The following PTBP2 variants were observed in gnomAD, a reference collection of about 807,000 sequenced individuals.
The protein encoded by PTBP2 is polypyrimidine tract-binding protein 2.
Under a neutral mutation model 61.4 loss-of-function variants are expected in PTBP2, and 13 were observed. The ratio of observed to expected loss-of-function variants is 0.21; its 90% confidence interval spans 0.14 to 0.34. The LOEUF (loss-of-function observed/expected upper bound fraction) is 0.34. Ranked by LOEUF, PTBP2 falls within the 10% of genes least tolerant of loss-of-function variation. The pLI is 1.00. For missense variants in PTBP2, 405 were observed against 642.6 expected (o/e 0.63, Z 4.00); for synonymous variants, 215 against 218.5 (o/e 0.98, Z 0.14).
At chr1:96,797,142 A>G (rs1374819577) in intron 8 of PTBP2, among the ~76,000 whole-genome samples, 1 of 150,868 alleles carries the variant, frequency 6.6e-6, no homozygotes, top group Non-Finnish European at 1.5e-5. Flanking sequence ...GTGTGGTATG[A>G]TTGGGTGGCA....
At chr1:96,726,989 A>T (rs189374834) in intron 2 of PTBP2, among the ~76,000 whole-genome samples, 2 of 152,308 alleles carry the variant, frequency 1.3e-5, no homozygotes, top group Admixed American at 1.3e-4. Context: ...CCCTTGTGAA[A>T]CCACTGCAAT....
In PTBP2 at chr1:96,739,759, G is replaced by T. The variant is rs1000863076; in HGVS notation, c.40-11666G>T. ...TTCCTGAGTAGCTGGGACTACAGGC[G>T]CCCGCCACCACGCCCGGCTAATTTT... On this transcript the variant is annotated intron_variant, in intron 2 of 13. Transcript: ENST00000674951. Among the ~76,000 whole-genome samples, 80 of 150,250 alleles carry T rather than the reference G, an allele frequency of 5.3e-4. 1 individual carries two copies. The highest frequency in any genetic ancestry group is 1.9e-3 in the African/African-American group (78 of 40,938).
chr1:96,813,560 AAAATG>A lies in PTBP2; in HGVS notation c.*161_*165del, dbSNP rs1662276154. ...CATGCTGTTATCATTCCTTGGTTAT[AAAATG>A]AAATGGCATATGTAAAGGCAGAGTT... On this transcript the variant is annotated 3_prime_UTR_variant, in exon 14 of 14. Transcript: ENST00000674951. The A allele has an allele frequency of 6.1e-6, 4 of 652,458 alleles. No homozygotes were observed. The East Asian group carries it at 1.3e-4, about 22-fold the overall frequency. 40.4% of individuals were successfully genotyped at this position (652,458 alleles called of 1,614,324 possible).
chr1:96,774,950 C>T lies in PTBP2; in HGVS notation c.433-2635C>T, dbSNP rs570430773. Among the ~76,000 whole-genome samples, 7 of 152,298 alleles carry T rather than the reference C, an allele frequency of 4.6e-5. No homozygotes were observed. In the South Asian group the frequency reaches 1.2e-3, roughly 27 times the overall value. On this transcript the variant is annotated intron_variant, in intron 5 of 13. Coordinates refer to ENST00000674951, the MANE Select transcript of PTBP2 (RefSeq NM_021190.4). ...TTCTCTTGATGTCAGTCGTTTGCTGCCATTATGTCACTGCTCTCATGCATG... is the reference window on the plus strand; with the variant it reads ...TTCTCTTGATGTCAGTCGTTTGCTGTCATTATGTCACTGCTCTCATGCATG...
intron 10 of PTBP2, 22 bp from the exon 11 acceptor site, chr1:96,806,844 C>A: frequency 6.3e-7 from 1 of 1,576,506 alleles, no homozygotes; most frequent in Non-Finnish European, 8.7e-7. Flanking sequence ...TTTTGGATTA[C>A]CTCTCTGTGG....
intron 8 of PTBP2, among the ~76,000 whole-genome samples, chr1:96,800,395 CTTTTTTT>C (rs376568803): frequency 8.0e-6 from 1 of 125,208 alleles, no homozygotes; most frequent in African/African-American, 3.0e-5. Context: ...CATTCTCTGG[CTTTTTTT>C]TTTTTTTTTT....
chr1:96,796,825 A>G (rs1395219858), intron 8 of PTBP2, among the ~76,000 whole-genome samples: 1 of 152,164 alleles, frequency 6.6e-6, no homozygotes, highest in Non-Finnish European at 1.5e-5. Context: ...CATAAAGGTC[A>G]AAAGTGGGTT....
At chr1:96,795,427 G>A (rs528156006) in intron 8 of PTBP2, among the ~76,000 whole-genome samples, 2 of 152,188 alleles carry the variant, frequency 1.3e-5, no homozygotes, top group African/African-American at 2.4e-5. Flanking sequence ...AGGAAATTCA[G>A]CCTAAGACTT....
intron 11 of PTBP2, among the ~76,000 whole-genome samples, chr1:96,812,484 T>A (rs1355257673): frequency 6.6e-6 from 1 of 152,152 alleles, no homozygotes; most frequent in Non-Finnish European, 1.5e-5. Context: ...AAGATAGATA[T>A]TCATAATCTG....
intron 8 of PTBP2, among the ~76,000 whole-genome samples, chr1:96,788,450 A>G (rs1014938340): frequency 2.0e-5 from 3 of 152,030 alleles, no homozygotes; most frequent in African/African-American, 7.2e-5. Context: ...CTTTTTAAAC[A>G]TTGTTTATGG....
At chr1:96,726,461 G>A (rs1394830558) in intron 2 of PTBP2, among the ~76,000 whole-genome samples, 19 of 146,196 alleles carry the variant, frequency 1.3e-4, no homozygotes, top group Admixed American at 4.1e-4. Context: ...TTTTCGAGAC[G>A]GAGTCTCGCC....
intron 2 of PTBP2, among the ~76,000 whole-genome samples, chr1:96,748,659 A>C (rs1468829788): frequency 6.6e-6 from 1 of 152,216 alleles, no homozygotes; most frequent in African/African-American, 2.4e-5. Context: ...ATTAATTAAA[A>C]ATTTTTTAAA....
At chr1:96,800,816 A>G (rs1332600299) in intron 8 of PTBP2, among the ~76,000 whole-genome samples, 1 of 136,088 alleles carries the variant, frequency 7.3e-6, no homozygotes, top group Non-Finnish European at 1.7e-5. Context: ...TTAACTAATT[A>G]CTTTAATTCT....
chr1:96,722,965 G>A (rs1649834863), intron 1 of PTBP2, among the ~76,000 whole-genome samples: 1 of 152,290 alleles, frequency 6.6e-6, no homozygotes, highest in South Asian at 2.1e-4. Context: ...CATTTAACAA[G>A]TACATTTATT....
intron 2 of PTBP2, among the ~76,000 whole-genome samples, chr1:96,740,785 TTATATA>T (rs538175666): frequency 1.3e-5 from 2 of 150,898 alleles, no homozygotes; most frequent in South Asian, 2.1e-4. Flanking sequence ...TTTGTTAAGT[TTATATA>T]TATATATATT....
At chr1:96,747,627 A>G (rs986924129) in intron 2 of PTBP2, among the ~76,000 whole-genome samples, 1 of 152,168 alleles carries the variant, frequency 6.6e-6, no homozygotes, top group Admixed American at 6.5e-5. Context: ...TGAAAAAACT[A>G]TCATAACAAA....
At chr1:96,771,139 T>C (rs1163406176) in intron 5 of PTBP2, 2 of 180,752 alleles carry the variant, frequency 1.1e-5, no homozygotes. Flanking sequence ...ACAACTCTCC[T>C]GCTTAGAATT....
At chr1:96,778,349 T>C (rs1252015291) in intron 7 of PTBP2, among the ~76,000 whole-genome samples, 3 of 151,342 alleles carry the variant, frequency 2.0e-5, no homozygotes, top group Non-Finnish European at 4.4e-5. Context: ...TATGATAGGC[T>C]CTCAGTTTAT....
At chr1:96,809,996 A>C (rs1257767759) in intron 11 of PTBP2, among the ~76,000 whole-genome samples, 1 of 152,182 alleles carries the variant, frequency 6.6e-6, no homozygotes, top group Admixed American at 6.5e-5. Flanking sequence ...AAGATTGATT[A>C]AAAAATGAGA....
Sources: allele counts gnomAD v4.1 joint callset (sites outside exome capture counted in the v4.1 genomes callset), GRCh38; gene constraint gnomAD v4.1.1; transcripts MANE v1.5; gene names NCBI Gene and HGNC (gene_info 2026-07-23, HGNC 2026-07-21).